Variants in NCK2 observed in about 807,000 individuals in gnomAD.
NCK2 encodes the protein cytoplasmic protein NCK2.
NCK2 carries 16 observed loss-of-function variants against 33.9 expected under a neutral mutation model. The observed-to-expected ratio is 0.47, with a 90% CI of 0.32 to 0.72. The LOEUF is 0.72. Ranked by LOEUF, NCK2 falls within the 30% of genes least tolerant of loss-of-function variation. The pLI is 0.03. For missense variants in NCK2, 418 were observed against 537.3 expected, an observed-to-expected ratio of 0.78 and a Z score of 2.19; for synonymous variants, 273 against 239.9, an observed-to-expected ratio of 1.14 and a Z score of -1.27.
chr2:105,765,347 A>T (rs1043998283), intron 1 of NCK2, among the ~76,000 whole-genome samples: 9 of 152,210 alleles, frequency 5.9e-5, no homozygotes, highest in Admixed American at 5.2e-4. Flanking sequence ...AAACAGGCTG[A>T]CTTTAAAATG....
At chr2:105,843,579 GAAAC>G (rs977549165) in intron 2 of NCK2, among the ~76,000 whole-genome samples, 7 of 152,142 alleles carry the variant, frequency 4.6e-5, no homozygotes, top group East Asian at 1.9e-4. Context: ...TGTGCTCAAA[GAAAC>G]AAACGAACGA....
rs544857629 is a variant in NCK2 at position 105,762,927 on chromosome 2, G to T, written c.-201+17789G>T. Among the ~76,000 whole-genome samples the T allele has an allele frequency of 6.1e-3, 931 of 152,322 alleles. 8 individuals carry two copies. The highest frequency in any genetic ancestry group is 0.011 in the Non-Finnish European group (729 of 68,034). On this transcript the variant is annotated intron_variant, in intron 1 of 4. Transcript: ENST00000233154. The stretch of plus-strand genomic sequence containing the variant: ...AAGCAACCTGAGGCCAGGCGCAGTG[G>T]CTCACGCCTGTAATCCTAGCACTTT...
At chr2:105,806,016 G>A (rs1675019357) in intron 1 of NCK2, among the ~76,000 whole-genome samples, 2 of 151,984 alleles carry the variant, frequency 1.3e-5, no homozygotes, top group African/African-American at 4.8e-5. Flanking sequence ...TTTCTTGGGG[G>A]TGCTGGGTAA....
chr2:105,784,515 A>G (rs1690605553), intron 1 of NCK2, among the ~76,000 whole-genome samples: 2 of 152,222 alleles, frequency 1.3e-5, no homozygotes, highest in African/African-American at 4.8e-5. Context: ...TGTTTCCACT[A>G]TGTGGAGCCT....
At position 105,893,347 on chromosome 2, in the gene NCK2, C is replaced by T; in HGVS notation, c.*171C>T. Reference sequence around the variant, plus strand: ...TCCCATTTGCCATCCAGGCCTCACACCCACACTCGAGCCCACCCGGCCGGC... The same window carrying T: ...TCCCATTTGCCATCCAGGCCTCACATCCACACTCGAGCCCACCCGGCCGGC... On this transcript the variant is annotated 3_prime_UTR_variant, in exon 5 of 5. Coordinates refer to ENST00000233154, the MANE Select transcript of NCK2 (RefSeq NM_003581.5). 1.6e-6 allele frequency: 1 copy of T among 638,820 alleles called. No homozygotes were observed. The highest frequency in any genetic ancestry group is 2.6e-6 in the Non-Finnish European group (1 of 381,868). 39.6% of individuals were successfully genotyped at this position (638,820 alleles called of 1,614,324 possible). A position where few individuals can be genotyped will look rare whatever the true frequency, so the allele number is the denominator to read the frequency against.
At position 105,791,032 on chromosome 2, in the gene NCK2, A is replaced by C. The variant is rs189129203; in HGVS notation, c.-200-25398A>C. Among the ~76,000 whole-genome samples, 600 of 152,164 alleles carry C rather than the reference A, an allele frequency of 3.9e-3. 4 individuals carry two copies. The highest frequency in any genetic ancestry group is 0.014 in the Middle Eastern group (4 of 294). On this transcript the variant is annotated intron_variant, in intron 1 of 4. Coordinates refer to ENST00000233154, the MANE Select transcript of NCK2 (RefSeq NM_003581.5). ...CACTGCTTAGAGGTTGTCCGCTCCC[A>C]CTCAGGAAACTTTGGGGCTCTGGAA...
intron 1 of NCK2, among the ~76,000 whole-genome samples, chr2:105,773,159 A>G (rs1445936424): frequency 6.6e-6 from 1 of 151,574 alleles, no homozygotes; most frequent in Non-Finnish European, 1.5e-5. Flanking sequence ...TCAGCCTCCC[A>G]AAGTGTTGGA....
At chr2:105,744,865 TCGCCGCCGC>T (rs1170930281), upstream of NCK2, 48 of 153,964 alleles carry the variant, frequency 3.1e-4, no homozygotes, top group South Asian at 1.6e-3. Flanking sequence ...CGGGGGAGGG[TCGCCGCCGC>T]CGCCGCCGCC....
intron 3 of NCK2, among the ~76,000 whole-genome samples, chr2:105,866,509 C>T (rs537639984): frequency 9.2e-5 from 14 of 152,276 alleles, no homozygotes; most frequent in South Asian, 2.1e-4. Context: ...GCGATGGTTT[C>T]GGGATGAAAC....
intron 2 of NCK2, among the ~76,000 whole-genome samples, chr2:105,830,052 G>A (rs1224753531): frequency 6.6e-6 from 1 of 152,004 alleles, no homozygotes; most frequent in East Asian, 1.9e-4. Flanking sequence ...ATCAAATCAG[G>A]GTAATTAGCA....
intron 1 of NCK2, among the ~76,000 whole-genome samples, chr2:105,762,760 A>G (rs954323792): frequency 2.6e-4 from 39 of 152,142 alleles, no homozygotes; most frequent in African/African-American, 8.9e-4. Context: ...CTCTCAAATT[A>G]TGGTTGTTAT....
chr2:105,828,542 C>G (rs1676045170), intron 2 of NCK2, among the ~76,000 whole-genome samples: 1 of 152,148 alleles, frequency 6.6e-6, no homozygotes, highest in Non-Finnish European at 1.5e-5. Context: ...ACTCTGAAGT[C>G]TAAGAAACAA....
intron 2 of NCK2, among the ~76,000 whole-genome samples, chr2:105,848,959 A>G (rs1181019208): frequency 2.0e-5 from 3 of 152,254 alleles, no homozygotes; most frequent in African/African-American, 7.2e-5. Context: ...TAAACCAATT[A>G]TTTGCACATA....
At chr2:105,756,038 A>C (rs1360992818) in intron 1 of NCK2, among the ~76,000 whole-genome samples, 1 of 152,236 alleles carries the variant, frequency 6.6e-6, no homozygotes, top group Non-Finnish European at 1.5e-5. Context: ...AGTGTCTGCA[A>C]AGCTGCCTGT....
intron 2 of NCK2, among the ~76,000 whole-genome samples, chr2:105,848,164 T>C (rs1055916532): frequency 1.3e-5 from 2 of 152,142 alleles, no homozygotes; most frequent in East Asian, 1.9e-4. Flanking sequence ...ACAGACTGAG[T>C]GTTAGGTATT....
At chr2:105,866,998 T>G in intron 3 of NCK2, among the ~76,000 whole-genome samples, 1 of 152,180 alleles carries the variant, frequency 6.6e-6, no homozygotes, top group East Asian at 1.9e-4. Context: ...AATGAGAAAA[T>G]TCCTGTTAAT....
chr2:105,808,957 T>C (rs1675189842), intron 1 of NCK2, among the ~76,000 whole-genome samples: 1 of 152,212 alleles, frequency 6.6e-6, no homozygotes, highest in African/African-American at 2.4e-5. Context: ...GCATGTACAA[T>C]TGTTGAGATT....
intron 1 of NCK2, among the ~76,000 whole-genome samples, chr2:105,793,568 C>G (rs540956423): frequency 3.3e-5 from 5 of 152,340 alleles, no homozygotes; most frequent in African/African-American, 1.2e-4. Context: ...GTAAATAGTT[C>G]TGGTTCCCCA....
At chr2:105,867,301 C>T (rs1677802919) in intron 3 of NCK2, among the ~76,000 whole-genome samples, 1 of 152,124 alleles carries the variant, frequency 6.6e-6, no homozygotes, top group African/African-American at 2.4e-5. Flanking sequence ...ATTGTATGAA[C>T]ATGAATTAAA....
Sources: allele counts gnomAD v4.1 joint callset (sites outside exome capture counted in the v4.1 genomes callset), GRCh38; gene constraint gnomAD v4.1.1; transcripts MANE v1.5; gene names NCBI Gene and HGNC (gene_info 2026-07-23, HGNC 2026-07-21).